ZNF469: variants seen among roughly 807,000 people sequenced by gnomAD.
The protein encoded by ZNF469 is zinc finger protein 469.
A neutral mutation model predicts 1.0 loss-of-function variants in ZNF469; 1 was observed. The ratio of observed to expected loss-of-function variants is 1.00; its 90% CI spans 0.35 to 4.73. ZNF469 has a LOEUF of 4.73. ZNF469 is among the 30% of genes most tolerant of loss of function. The pLI, the probability that ZNF469 is intolerant of heterozygous loss-of-function variation, is 0.16. For missense variants in ZNF469, 6,100 were observed against 5,356.3 expected (o/e 1.14, Z -4.33); for synonymous variants, 2,703 against 2,363.4 (o/e 1.14, Z -4.17).
chr16:88,160,638 A>G, the ZNF469 span, among the ~76,000 whole-genome samples: 1 of 152,188 alleles, frequency 6.6e-6, no homozygotes, highest in African/African-American at 2.4e-5. Context: ...TCTGGGGATC[A>G]GGTGGGTCCA....
chr16:88,367,046 A>C, the ZNF469 span, among the ~76,000 whole-genome samples: 1 of 152,198 alleles, frequency 6.6e-6, no homozygotes, highest in African/African-American at 2.4e-5. Context: ...CATTGTCTTC[A>C]TCACCATCAT....
chr16:88,365,355 C>T, the ZNF469 span, among the ~76,000 whole-genome samples: 6 of 152,220 alleles, frequency 3.9e-5, no homozygotes, highest in African/African-American at 1.4e-4. Context: ...CAGCTAAGCC[C>T]ATCCAATCAG....
At chr16:88,187,825 C>T in the ZNF469 span, among the ~76,000 whole-genome samples, 1 of 151,464 alleles carries the variant, frequency 6.6e-6, no homozygotes, top group African/African-American at 2.4e-5. Flanking sequence ...CGAGTCTCAA[C>T]TCTTAGTTTC....
chr16:88,406,609 G>C (rs1296648309), intron 1 of ZNF469, among the ~76,000 whole-genome samples: 1 of 152,206 alleles, frequency 6.6e-6, no homozygotes, highest in Admixed American at 6.5e-5. Context: ...GGGTTCAACA[G>C]GGAGAGGAGA....
the ZNF469 span, among the ~76,000 whole-genome samples, chr16:88,331,588 CATCACCACT>C: frequency 6.6e-6 from 1 of 151,598 alleles, no homozygotes; most frequent in Non-Finnish European, 1.5e-5. Flanking sequence ...CCACCACCAC[CATCACCACT>C]ATCATCACCA....
At chr16:88,250,173 A>T in the ZNF469 span, among the ~76,000 whole-genome samples, 3 of 152,224 alleles carry the variant, frequency 2.0e-5, no homozygotes, top group Admixed American at 2.0e-4. Flanking sequence ...AACAAGACCA[A>T]CACCCCAGAG....
the ZNF469 span, among the ~76,000 whole-genome samples, chr16:88,318,688 C>T: frequency 6.7e-6 from 1 of 149,744 alleles, no homozygotes. Context: ...GGACAGAGCT[C>T]AGCCACGGCT....
chr16:88,304,171 G>A, the ZNF469 span, among the ~76,000 whole-genome samples: 1 of 152,174 alleles, frequency 6.6e-6, no homozygotes, highest in African/African-American at 2.4e-5. Context: ...TCCTAGGAGT[G>A]GGGAGAGGCT....
the ZNF469 span, among the ~76,000 whole-genome samples, chr16:88,155,714 G>A: frequency 6.6e-6 from 1 of 152,314 alleles, no homozygotes; most frequent in South Asian, 2.1e-4. Flanking sequence ...TGGGAATTTA[G>A]GTCGTTTTCA....
chr16:88,305,331 C>T, the ZNF469 span, among the ~76,000 whole-genome samples: 158 of 149,622 alleles, frequency 1.1e-3, no homozygotes, highest in African/African-American at 3.5e-3. Context: ...CAGGCACACA[C>T]GCACACCCTC....
the ZNF469 span, among the ~76,000 whole-genome samples, chr16:88,318,270 C>T: frequency 2.0e-5 from 3 of 152,340 alleles, no homozygotes; most frequent in South Asian, 4.1e-4. Context: ...TGCAAAGCCC[C>T]CAGTGGGCCC....
the ZNF469 span, among the ~76,000 whole-genome samples, chr16:88,342,257 T>TGTGGGG: frequency 2.0e-5 from 3 of 151,932 alleles, no homozygotes; most frequent in Non-Finnish European, 2.9e-5. Context: ...GGGAGCTCAG[T>TGTGGGG]GTGGGGGTCC....
the ZNF469 span, among the ~76,000 whole-genome samples, chr16:88,226,893 A>G: frequency 6.6e-6 from 1 of 152,142 alleles, no homozygotes. Flanking sequence ...CACAGGCTGC[A>G]CGTTTAAATT....
At chr16:88,247,051 GTGAGTGAT>G in the ZNF469 span, among the ~76,000 whole-genome samples, 2,468 of 100,316 alleles carry the variant, frequency 0.025, 60 homozygotes, top group African/African-American at 0.12. Context: ...GAATGAATGA[GTGAGTGAT>G]TGAGTGAGTG....
At chr16:88,116,088 G>C in the ZNF469 span, among the ~76,000 whole-genome samples, 7 of 152,206 alleles carry the variant, frequency 4.6e-5, no homozygotes, top group Non-Finnish European at 2.9e-5. Context: ...TGCCCGACTA[G>C]AGCCCTGGGG....
At position 88,435,920 on chromosome 16, in the gene ZNF469, G is replaced by C; in HGVS notation, c.8450G>C (p.Cys2817Ser). ...SSPADSTTSS[C>S]LQGLPDNPDT... Reference sequence around the variant, plus strand: ...CCGGCGGACAGCACCACCAGCAGCTGCCTCCAGGGCCTCCCGGACAACCCA... The same window carrying C: ...CCGGCGGACAGCACCACCAGCAGCTCCCTCCAGGGCCTCCCGGACAACCCA... Residue 2817 changes from cysteine to serine, a missense_variant, in exon 3 of 3, where the codon TGC (cysteine) becomes TCC (serine). By Grantham distance (112) the Cys-to-Ser change is moderately radical (BLOSUM62 -1). Transcript: ENST00000565624. 6.5e-7 allele frequency: 1 copy of C among 1,550,030 alleles called. No homozygotes were observed. Among genetic ancestry groups the C allele is most frequent in the Non-Finnish European group, 8.7e-7 (1 of 1,146,962 alleles).
the ZNF469 span, among the ~76,000 whole-genome samples, chr16:88,117,929 G>A: frequency 2.6e-5 from 4 of 152,302 alleles, no homozygotes; most frequent in South Asian, 2.1e-4. Flanking sequence ...GAGGGGAGGC[G>A]CCATACTGTG....
the ZNF469 span, among the ~76,000 whole-genome samples, chr16:88,258,897 C>T: frequency 3.9e-5 from 6 of 152,210 alleles, no homozygotes; most frequent in African/African-American, 1.4e-4. Flanking sequence ...CTTGCCCAAC[C>T]CACACAGCAG....
chr16:88,357,210 C>T, the ZNF469 span, among the ~76,000 whole-genome samples: 1 of 152,228 alleles, frequency 6.6e-6, no homozygotes, highest in African/African-American at 2.4e-5. Flanking sequence ...GTTTGAATCC[C>T]ACTCCCCACT....
Sources: gnomAD v4.1 joint callset for allele counts (sites outside exome capture counted in the v4.1 genomes callset) on GRCh38, gnomAD v4.1.1 for gene constraint, MANE v1.5 for transcripts, NCBI Gene and HGNC (gene_info 2026-07-23, HGNC 2026-07-21) for gene names.